CNTN6: variants seen among roughly 807,000 people sequenced by gnomAD.
CNTN6 encodes contactin 6.
Under a neutral mutation model 122.8 loss-of-function variants are expected in CNTN6, and 137 were observed. That is an observed-to-expected ratio of 1.12 (90% CI 0.97 to 1.29). The LOEUF (loss-of-function observed/expected upper bound fraction) is 1.29, where lower values mean the gene tolerates loss of function less well. Among genes scored for constraint, CNTN6 ranks in the 50% most tolerant of loss-of-function variants. CNTN6 has a pLI of 0.00. For missense variants in CNTN6, 1,634 were observed against 1,223.4 expected (o/e 1.34, Z -5.01); for synonymous variants, 570 against 426.0 (o/e 1.34, Z -4.16).
rs185627047 is a variant in CNTN6, at chr3:1,303,633, T to A, written c.761+5642T>A. On this transcript the variant is annotated intron_variant, in intron 7 of 22. Coordinates refer to ENST00000446702, the MANE Select transcript of CNTN6 (RefSeq NM_001289080.2). ...AAGTCCTCGCTTGCTAATTCTATCATCTCAGTTATTTGTGGGTCTGTTTCT... is the reference window on the plus strand; with the variant it reads ...AAGTCCTCGCTTGCTAATTCTATCAACTCAGTTATTTGTGGGTCTGTTTCT... 1.4e-3 allele frequency among the ~76,000 whole-genome samples: 215 copies of A among 152,284 alleles called. 1 individual carries two copies. Among genetic ancestry groups the A allele is most frequent in the African/African-American group, 5.1e-3 (210 of 41,564 alleles).
intron 2 of CNTN6, among the ~76,000 whole-genome samples, chr3:1,180,621 G>C (rs1435537671): frequency 6.6e-6 from 1 of 152,204 alleles, no homozygotes; most frequent in Non-Finnish European, 1.5e-5. Context: ...TAATTGGAAA[G>C]AGCATTAGAT....
intron 7 of CNTN6, among the ~76,000 whole-genome samples, chr3:1,300,553 AAGAAAAAGAAAGAAAGAAAGAAAG>A (rs1435997718): frequency 1.1e-5 from 1 of 89,678 alleles, no homozygotes; most frequent in African/African-American, 3.1e-5. Flanking sequence ...AAGAAAGAGA[AAGAAAAAGAAAGAAAGAAAGAAAG>A]AAAGAAAGAA....
At chr3:1,219,270 G>A (rs1046947600) in intron 2 of CNTN6, among the ~76,000 whole-genome samples, 11 of 152,138 alleles carry the variant, frequency 7.2e-5, no homozygotes, top group African/African-American at 2.7e-4. Flanking sequence ...AAGAGCAATG[G>A]GACAGATAGA....
At chr3:1,351,761 G>A (rs182057914) in intron 11 of CNTN6, among the ~76,000 whole-genome samples, 1 of 151,740 alleles carries the variant, frequency 6.6e-6, no homozygotes, top group African/African-American at 2.4e-5. Flanking sequence ...TCCTCTTTTT[G>A]ATGGGATAGC....
In CNTN6 at chr3:1,223,093, C is replaced by G. The variant is rs181920869; in HGVS notation, c.182+2280C>G. Among the ~76,000 whole-genome samples the G allele has an allele frequency of 1.7e-3, 261 of 152,160 alleles. 1 individual carries two copies. Among genetic ancestry groups the G allele is most frequent in the African/African-American group, 6.0e-3 (251 of 41,524 alleles). ...AACTTAAATTTTATTTTTTAAAAAGCCTCACAACTATATTCACCTTAGATG... is the reference window on the plus strand; with the variant it reads ...AACTTAAATTTTATTTTTTAAAAAGGCTCACAACTATATTCACCTTAGATG... On this transcript the variant is annotated intron_variant, in intron 3 of 22. Coordinates refer to ENST00000446702, the MANE Select transcript of CNTN6 (RefSeq NM_001289080.2).
intron 15 of CNTN6, 39 bp from the exon 16 acceptor site, chr3:1,373,885 A>G (rs755019888): frequency 7.1e-6 from 11 of 1,547,928 alleles, no homozygotes; most frequent in Admixed American, 2.0e-5. Flanking sequence ...GTTTTTGAGT[A>G]GTCCCAACCT....
At chr3:1,398,262 A>T (rs1298444092) in intron 20 of CNTN6, among the ~76,000 whole-genome samples, 1 of 152,160 alleles carries the variant, frequency 6.6e-6, no homozygotes, top group South Asian at 2.1e-4. Flanking sequence ...TACTCACATT[A>T]AGGTGATGGC....
intron 7 of CNTN6, among the ~76,000 whole-genome samples, chr3:1,319,962 T>C (rs1170639334): frequency 1.3e-5 from 2 of 151,712 alleles, no homozygotes; most frequent in Non-Finnish European, 2.9e-5. Context: ...TAATACCTCA[T>C]ATCCTATAAA....
intron 12 of CNTN6, among the ~76,000 whole-genome samples, chr3:1,356,468 GTCTAAGTTT>G (rs1706575518): frequency 6.6e-6 from 1 of 151,734 alleles, no homozygotes; most frequent in South Asian, 2.1e-4. Flanking sequence ...AATGATACGG[GTCTAAGTTT>G]ACTAAGAGAA....
chr3:1,362,484 T>C (rs903886213), intron 12 of CNTN6, among the ~76,000 whole-genome samples: 3 of 152,118 alleles, frequency 2.0e-5, no homozygotes, highest in Non-Finnish European at 4.4e-5. Context: ...ATGGAAGTTC[T>C]AGAACTGACA....
intron 20 of CNTN6, among the ~76,000 whole-genome samples, chr3:1,391,944 T>C (rs1042619943): frequency 1.2e-3 from 176 of 152,108 alleles, no homozygotes; most frequent in African/African-American, 4.0e-3. Flanking sequence ...TGCTCATGGG[T>C]AGGAAGAATC....
chr3:1,254,631 A>C (rs917506743), intron 4 of CNTN6, among the ~76,000 whole-genome samples: 1 of 152,164 alleles, frequency 6.6e-6, no homozygotes, highest in Non-Finnish European at 1.5e-5. Context: ...AAGCAGTAGG[A>C]GAGGGATCAC....
intron 4 of CNTN6, among the ~76,000 whole-genome samples, chr3:1,230,559 T>C (rs1240246125): frequency 6.6e-6 from 1 of 152,244 alleles, no homozygotes; most frequent in Non-Finnish European, 1.5e-5. Flanking sequence ...CTTGTTCTTT[T>C]CTTTTCATGT....
intron 1 of CNTN6, among the ~76,000 whole-genome samples, chr3:1,093,359 C>T (rs1029058441): frequency 1.3e-5 from 2 of 152,016 alleles, no homozygotes; most frequent in African/African-American, 4.8e-5. Flanking sequence ...TAGGATCAAA[C>T]CAGGGAAAGA....
intron 3 of CNTN6, among the ~76,000 whole-genome samples, chr3:1,226,636 A>G (rs1169193373): frequency 1.3e-5 from 2 of 152,152 alleles, no homozygotes; most frequent in Non-Finnish European, 2.9e-5. Flanking sequence ...TCTTTTTACA[A>G]TCATACTTCT....
chr3:1,337,671 A>G (rs1486469884), intron 11 of CNTN6, among the ~76,000 whole-genome samples: 8 of 152,124 alleles, frequency 5.3e-5, no homozygotes, highest in Non-Finnish European at 1.0e-4. Context: ...GCATAATGCC[A>G]GGCTTATTAC....
At chr3:1,347,135 A>G (rs1267718129) in intron 11 of CNTN6, among the ~76,000 whole-genome samples, 1 of 152,212 alleles carries the variant, frequency 6.6e-6, no homozygotes, top group African/African-American at 2.4e-5. Context: ...TAACTGTCAG[A>G]CACAGCTTGT....
At chr3:1,229,118 G>A (rs943478790) in intron 4 of CNTN6, among the ~76,000 whole-genome samples, 8 of 152,294 alleles carry the variant, frequency 5.3e-5, no homozygotes, top group African/African-American at 1.9e-4. Flanking sequence ...ATCTATGGAA[G>A]TAAGAAGTGA....
At chr3:1,100,094 G>A (rs1398350991) in intron 1 of CNTN6, among the ~76,000 whole-genome samples, 1 of 151,978 alleles carries the variant, frequency 6.6e-6, no homozygotes, top group Non-Finnish European at 1.5e-5. Flanking sequence ...TTAGACTTAT[G>A]ACGTGATTTC....
Sources: allele counts gnomAD v4.1 joint callset (sites outside exome capture counted in the v4.1 genomes callset), GRCh38; gene constraint gnomAD v4.1.1; transcripts MANE v1.5; gene names NCBI Gene and HGNC (gene_info 2026-07-23, HGNC 2026-07-21).